ADAMTS18: variants seen among roughly 807,000 people sequenced by gnomAD.
ADAMTS18 encodes the protein ADAM metallopeptidase with thrombospondin type 1 motif 18, also known as A disintegrin and metalloproteinase with thrombospondin motifs 18.
Under a neutral mutation model 165.9 loss-of-function variants are expected in ADAMTS18, and 157 were observed. That is an observed-to-expected ratio of 0.95 (90% CI 0.83 to 1.08). The LOEUF (loss-of-function observed/expected upper bound fraction) is 1.08, where lower values mean the gene tolerates loss of function less well. ADAMTS18 is among the 50% of genes least tolerant of loss of function. The pLI, the probability that ADAMTS18 is intolerant of heterozygous loss-of-function variation, is 0.00. For synonymous variants in ADAMTS18, 782 were observed against 578.2 expected, an observed-to-expected ratio of 1.35 and a Z score of -5.06; for missense variants, 2,040 against 1,534.0, an observed-to-expected ratio of 1.33 and a Z score of -5.51.
intron 14 of ADAMTS18, among the ~76,000 whole-genome samples, chr16:77,322,129 TG>T (rs1248165705): frequency 5.0e-5 from 6 of 119,010 alleles, no homozygotes; most frequent in Non-Finnish European, 8.1e-5. Context: ...CACTCCAGCC[TG>T]GGTGACAGAG....
intron 3 of ADAMTS18, among the ~76,000 whole-genome samples, chr16:77,393,839 G>A (rs1005568987): frequency 3.9e-5 from 6 of 152,186 alleles, no homozygotes; most frequent in South Asian, 2.1e-4. Flanking sequence ...CTCTACTGTC[G>A]ACTCTTGGCT....
chr16:77,367,014 TGCTCAAGGATA>T (rs2056804931), intron 4 of ADAMTS18, among the ~76,000 whole-genome samples: 1 of 152,184 alleles, frequency 6.6e-6, no homozygotes, highest in Admixed American at 6.5e-5. Flanking sequence ...TCACAAACCA[TGCTCAAGGATA>T]CCTGTGTTTC....
Position 77,283,620 on chromosome 16 carries a change from G to A in ADAMTS18, c.*336C>T, listed in dbSNP as rs578238702. The A allele has an allele frequency of 6.5e-6, 2 of 309,090 alleles. No individual in the cohort carries two copies. The highest frequency in any genetic ancestry group is 4.4e-5 in the African/African-American group (2 of 45,764). The allele number at this position is 309,090 out of a possible 1,614,324, so 19.1% of individuals were successfully genotyped here. A position where few individuals can be genotyped will look rare whatever the true frequency, so the allele number is the denominator to read the frequency against. On this transcript the variant is annotated 3_prime_UTR_variant, in exon 23 of 23. Transcript: ENST00000282849. ...TTTTAAAACAGATGTCTTTGCCCTT[G>A]AACCCTTTGAAGTTCAAAAGGGGGT... is the stretch of plus-strand genomic sequence containing the variant.
chr16:77,375,271 C>A (rs190964949), intron 3 of ADAMTS18, among the ~76,000 whole-genome samples: 43 of 152,256 alleles, frequency 2.8e-4, no homozygotes, highest in African/African-American at 8.2e-4. Flanking sequence ...ATCCGCCCAC[C>A]TCAGCCTCCC....
At chr16:77,335,013 T>C (rs995433891) in intron 12 of ADAMTS18, among the ~76,000 whole-genome samples, 95 of 144,216 alleles carry the variant, frequency 6.6e-4, no homozygotes, top group Non-Finnish European at 4.5e-5. Context: ...TAATAGTATA[T>C]AGTAGTATAT....
chr16:77,407,222 A>G (rs1207910429), intron 3 of ADAMTS18, among the ~76,000 whole-genome samples: 2 of 152,156 alleles, frequency 1.3e-5, no homozygotes, highest in Non-Finnish European at 2.9e-5. Context: ...TAGAAAATAA[A>G]TACAATTATT....
chr16:77,406,673 G>A (rs749585320), intron 3 of ADAMTS18, among the ~76,000 whole-genome samples: 24 of 151,816 alleles, frequency 1.6e-4, no homozygotes, highest in African/African-American at 3.1e-4. Flanking sequence ...TGTTCATCAC[G>A]GCACTATACA....
intron 16 of ADAMTS18, among the ~76,000 whole-genome samples, chr16:77,318,359 T>C (rs373127812): frequency 6.6e-6 from 1 of 152,200 alleles, no homozygotes; most frequent in Non-Finnish European, 1.5e-5. Context: ...CTTGCCAGTA[T>C]TGGTGCTATA....
chr16:77,359,220 C>G (rs1263748724), intron 8 of ADAMTS18, 98 bp downstream of exon 8: 1 of 1,037,120 alleles, frequency 9.6e-7, no homozygotes, highest in Non-Finnish European at 1.5e-6. Context: ...AAGACTGATC[C>G]TCTTTGTTCT....
intron 11 of ADAMTS18, among the ~76,000 whole-genome samples, chr16:77,340,769 C>T (rs147621071): frequency 2.0e-5 from 3 of 152,110 alleles, no homozygotes; most frequent in Non-Finnish European, 4.4e-5. Context: ...GATAGGGTCT[C>T]GCTGTGTTAC....
At chr16:77,426,470 G>C (rs912913094) in intron 3 of ADAMTS18, among the ~76,000 whole-genome samples, 1 of 152,194 alleles carries the variant, frequency 6.6e-6, no homozygotes, top group African/African-American at 2.4e-5. Flanking sequence ...GTACAGCTCA[G>C]AGAGGTTGCA....
chr16:77,321,158 A>T lies in ADAMTS18; in HGVS notation c.2208T>A (p.Asp736Glu), dbSNP rs1258255705. The T allele has an allele frequency of 1.2e-6, 2 of 1,614,240 alleles. No individual in the cohort carries two copies. Among genetic ancestry groups the T allele is most frequent in the Admixed American group, 1.7e-5 (1 of 60,026 alleles). ...DHELGSKAVS[D>E]ACGVCKGDNS... ...TATCACCTTTGCAAACGCCACAAGCATCTGAAACTGCTTTAGAGCCTAGTT... is the reference window on the plus strand; with the variant it reads ...TATCACCTTTGCAAACGCCACAAGCTTCTGAAACTGCTTTAGAGCCTAGTT... Residue 736 changes from aspartate (D) to glutamate (E), a missense_variant, in exon 15 of 23, where the codon GAT (aspartate) becomes GAA (glutamate). Asp to Glu is a conservative substitution (Grantham distance 45). Transcript: ENST00000282849.
At chr16:77,422,652 G>C (rs1463021089) in intron 3 of ADAMTS18, among the ~76,000 whole-genome samples, 1 of 151,906 alleles carries the variant, frequency 6.6e-6, no homozygotes, top group Non-Finnish European at 1.5e-5. Context: ...AAGAAGAAAG[G>C]AGGGAGGGAT....
At chr16:77,370,274 T>G (rs1331745986) in intron 3 of ADAMTS18, among the ~76,000 whole-genome samples, 2 of 152,088 alleles carry the variant, frequency 1.3e-5, no homozygotes, top group Non-Finnish European at 2.9e-5. Context: ...GCATTCAACT[T>G]AGAAAGGAAG....
chr16:77,291,271 G>A lies in ADAMTS18; in HGVS notation c.3397C>T (p.Gln1133Ter). 1.2e-6 allele frequency: 2 copies of A among 1,613,958 alleles called. No individual in the cohort carries two copies. Among genetic ancestry groups the A allele is most frequent in the South Asian group, 1.1e-5 (1 of 91,066 alleles). ...CTCAATCGGCCTGTACCCACCTGCTGCCACGGCAATGAATACCATCCAGCT... is the reference window on the plus strand; with the variant it reads ...CTCAATCGGCCTGTACCCACCTGCTACCACGGCAATGAATACCATCCAGCT... ...MVAGWYSLPW[Q>*]QCTVTCGGGV... Residue 1133 changes from glutamine to a stop codon, truncating the protein, a stop_gained, in exon 21 of 23, where the codon CAG (glutamine) becomes TAG (stop). Coordinates refer to ENST00000282849, the MANE Select transcript of ADAMTS18 (RefSeq NM_199355.4). LOFTEE classifies it high-confidence loss of function.
intron 3 of ADAMTS18, among the ~76,000 whole-genome samples, chr16:77,426,418 A>G (rs1172356260): frequency 3.3e-5 from 5 of 152,210 alleles, no homozygotes; most frequent in Non-Finnish European, 7.3e-5. Context: ...AGGTGTCTTT[A>G]ATATAAGACA....
chr16:77,353,202 T>C (rs1228475942), intron 10 of ADAMTS18, among the ~76,000 whole-genome samples: 1 of 152,246 alleles, frequency 6.6e-6, no homozygotes, highest in Non-Finnish European at 1.5e-5. Flanking sequence ...TTCTATAACC[T>C]GGACTTTTGT....
chr16:77,407,780 C>G (rs2057411566), intron 3 of ADAMTS18, among the ~76,000 whole-genome samples: 1 of 151,914 alleles, frequency 6.6e-6, no homozygotes. Flanking sequence ...CATCCAAAAA[C>G]TCAATTCCAA....
At chr16:77,404,608 T>G (rs2057371376) in intron 3 of ADAMTS18, among the ~76,000 whole-genome samples, 2 of 152,196 alleles carry the variant, frequency 1.3e-5, no homozygotes, top group Admixed American at 1.3e-4. Flanking sequence ...TAGTTAACAG[T>G]GCTGGACTGT....
Sources: allele counts gnomAD v4.1 joint callset (sites outside exome capture counted in the v4.1 genomes callset), GRCh38; gene constraint gnomAD v4.1.1; transcripts MANE v1.5; gene names NCBI Gene and HGNC (gene_info 2026-07-23, HGNC 2026-07-21).